PALLD: variants seen among roughly 807,000 people sequenced by gnomAD.
PALLD encodes the protein palladin.
In PALLD, 61 loss-of-function variants were observed where a neutral mutation model predicts 123.5. The ratio of observed to expected loss-of-function variants is 0.49; its 90% CI spans 0.40 to 0.61. The LOEUF (loss-of-function observed/expected upper bound fraction) is 0.61. Among genes scored for constraint, PALLD ranks in the 20% least tolerant of loss-of-function variants. The probability of loss-of-function intolerance (pLI) is 0.00; values close to 1 mark genes in which losing one functional copy is unlikely to be tolerated. For synonymous variants in PALLD, 465 were observed against 496.4 expected (o/e 0.94, Z 0.84); for missense variants, 1,273 against 1,377.0 (o/e 0.92, Z 1.20).
At chr4:168,732,940 C>G (rs1375066324) in intron 10 of PALLD, among the ~76,000 whole-genome samples, 2 of 152,142 alleles carry the variant, frequency 1.3e-5, no homozygotes, top group Non-Finnish European at 2.9e-5. Flanking sequence ...GGATGTTCCT[C>G]ATGCTTACAA....
At chr4:168,883,947 T>TAA (rs1491308602) in intron 10 of PALLD, among the ~76,000 whole-genome samples, 1 of 97,704 alleles carries the variant, frequency 1.0e-5, no homozygotes. Flanking sequence ...GTGCAAACCA[T>TAA]CAAAAAAAAA....
At chr4:168,879,014 T>C (rs920890658) in intron 10 of PALLD, among the ~76,000 whole-genome samples, 1 of 152,198 alleles carries the variant, frequency 6.6e-6, no homozygotes, top group Non-Finnish European at 1.5e-5. Context: ...AATCTAGTGA[T>C]TGACTGGAAG....
At chr4:168,632,676 G>A (rs148993715) in intron 2 of PALLD, among the ~76,000 whole-genome samples, 2 of 152,284 alleles carry the variant, frequency 1.3e-5, no homozygotes, top group Admixed American at 1.3e-4. Flanking sequence ...ATGCATTCCT[G>A]ATGACTCCTC....
intron 10 of PALLD, among the ~76,000 whole-genome samples, chr4:168,794,382 C>T (rs1367613921): frequency 6.6e-6 from 1 of 152,198 alleles, no homozygotes; most frequent in Non-Finnish European, 1.5e-5. Flanking sequence ...AAGCAATCCT[C>T]TCCTCCCCCA....
At chr4:168,780,182 G>A (rs1205398781) in intron 10 of PALLD, among the ~76,000 whole-genome samples, 4 of 152,038 alleles carry the variant, frequency 2.6e-5, no homozygotes, top group East Asian at 1.9e-4. Context: ...TATAGGCGTG[G>A]GCCACCGCAC....
intron 17 of PALLD, among the ~76,000 whole-genome samples, chr4:168,918,271 C>T (rs1208670339): frequency 6.6e-6 from 1 of 150,704 alleles, no homozygotes; most frequent in Non-Finnish European, 1.5e-5. Flanking sequence ...TCATAATAGC[C>T]AGGATACGGG....
In PALLD at chr4:168,768,786, C is replaced by G. The variant is rs548393173; in HGVS notation, c.1964+56863C>G. Reference sequence around the variant, plus strand: ...CTCCTGGGTTCAAGCAATTCCCATGCCACAGCCTCCTGAGTAGCTGGGGCT... The same window carrying G: ...CTCCTGGGTTCAAGCAATTCCCATGGCACAGCCTCCTGAGTAGCTGGGGCT... On this transcript the variant is annotated intron_variant, in intron 10 of 21. Transcript: ENST00000505667. 2.0e-5 allele frequency among the ~76,000 whole-genome samples: 3 copies of G among 152,242 alleles called. No homozygotes were observed. In the South Asian group the frequency reaches 6.2e-4, roughly 32 times the overall value.
At chr4:168,797,380 A>C (rs116137248) in intron 10 of PALLD, among the ~76,000 whole-genome samples, 3,978 of 152,176 alleles carry the variant, frequency 0.026, 181 homozygotes, top group African/African-American at 0.089. Flanking sequence ...CGTGACAATC[A>C]AACAGTATAA....
intron 2 of PALLD, among the ~76,000 whole-genome samples, chr4:168,616,217 G>A (rs919906568): frequency 3.3e-5 from 5 of 152,146 alleles, no homozygotes; most frequent in South Asian, 2.1e-4. Flanking sequence ...ATTTTGAATC[G>A]CACAGAGAAG....
intron 3 of PALLD, among the ~76,000 whole-genome samples, chr4:168,675,971 A>G (rs1780792166): frequency 1.3e-5 from 2 of 152,180 alleles, no homozygotes; most frequent in Non-Finnish European, 2.9e-5. Flanking sequence ...TGGGAGGGTC[A>G]CTTGAGCCCA....
intron 3 of PALLD, among the ~76,000 whole-genome samples, chr4:168,679,925 A>G (rs79289389): frequency 0.053 from 8,103 of 152,114 alleles, 226 homozygotes; most frequent in African/African-American, 0.079. Context: ...TGGTAGACAC[A>G]GAAATAAATA....
intron 5 of PALLD, among the ~76,000 whole-genome samples, chr4:168,685,036 A>G (rs566455142): frequency 5.8e-4 from 89 of 152,334 alleles, no homozygotes; most frequent in African/African-American, 1.9e-3. Flanking sequence ...CATAATCCCT[A>G]TATCAAAAAA....
In PALLD at chr4:168,512,057, G is replaced by A. The variant is rs931938798; in HGVS notation, c.553G>A (p.Ala185Thr). Residue 185 changes from alanine to threonine, a missense_variant, in exon 2 of 22, where the codon GCC becomes ACC. Physicochemically the swap from Ala to Thr is moderately conservative, Grantham distance 58. Coordinates refer to ENST00000505667, the MANE Select transcript of PALLD (RefSeq NM_001166108.2). ...LIEELTSIFK[A>T]AKPRNRSPNG... The stretch of plus-strand genomic sequence containing the variant: ...TGAGGAGCTAACATCCATATTTAAA[G>A]CCGCAAAGCCAAGAAACAGAAGCCC... 6.2e-7 allele frequency: 1 copy of A among 1,614,200 alleles called. No homozygotes were observed. Among genetic ancestry groups the A allele is most frequent in the Non-Finnish European group, 8.5e-7 (1 of 1,180,030 alleles).
At chr4:168,792,830 G>C (rs1256395516) in intron 10 of PALLD, among the ~76,000 whole-genome samples, 1 of 150,128 alleles carries the variant, frequency 6.7e-6, no homozygotes, top group Non-Finnish European at 1.5e-5. Flanking sequence ...GCAGTGGTGC[G>C]ATCTTGGCTC....
chr4:168,522,889 G>C (rs1218187157), intron 2 of PALLD, among the ~76,000 whole-genome samples: 1 of 152,066 alleles, frequency 6.6e-6, no homozygotes, highest in African/African-American at 2.4e-5. Context: ...CCAATCAAAA[G>C]CTTTTCCTGG....
At chr4:168,502,955 G>T (rs1025538627) in intron 1 of PALLD, among the ~76,000 whole-genome samples, 1 of 152,130 alleles carries the variant, frequency 6.6e-6, no homozygotes. Context: ...GAGAAATGTC[G>T]CAGCAGGTTC....
chr4:168,645,886 G>A lies in PALLD; in HGVS notation c.909-22304G>A, dbSNP rs542095424. On this transcript the variant is annotated intron_variant, in intron 2 of 21. Transcript: ENST00000505667. The stretch of plus-strand genomic sequence containing the variant: ...CTCTAACCAGCTCAGGCACGGGGCT[G>A]TAATGAGGATTATTGAAGTAACATA... Among the ~76,000 whole-genome samples the A allele has an allele frequency of 1.1e-4, 16 of 152,224 alleles. No individual in the cohort carries two copies. The South Asian group carries it at 2.9e-3, about 28-fold the overall frequency.
intron 3 of PALLD, among the ~76,000 whole-genome samples, chr4:168,673,942 TCTCG>T (rs1206068977): frequency 1.3e-5 from 2 of 151,664 alleles, no homozygotes; most frequent in Non-Finnish European, 2.9e-5. Flanking sequence ...GGAGATGGAG[TCTCG>T]CTCTGTCACT....
intron 2 of PALLD, among the ~76,000 whole-genome samples, chr4:168,521,957 T>C (rs569208046): frequency 7.9e-5 from 12 of 152,324 alleles, no homozygotes; most frequent in Admixed American, 7.8e-4. Context: ...AAAAGTGATT[T>C]GTTTCTGTCT....
Sources: gnomAD v4.1 joint callset for allele counts (sites outside exome capture counted in the v4.1 genomes callset) on GRCh38, gnomAD v4.1.1 for gene constraint, MANE v1.5 for transcripts, NCBI Gene and HGNC (gene_info 2026-07-23, HGNC 2026-07-21) for gene names.